The following COL15A1 variants were observed in gnomAD, a reference collection of about 807,000 sequenced individuals.
The protein encoded by COL15A1 is collagen alpha-1(XV) chain.
In COL15A1, 111 loss-of-function variants were observed where a neutral mutation model predicts 165.9. The ratio of observed to expected loss-of-function variants is 0.67; its 90% confidence interval spans 0.57 to 0.78. The LOEUF is 0.78. COL15A1 is among the 30% of genes least tolerant of loss of function. The pLI, the probability that COL15A1 is intolerant of heterozygous loss-of-function variation, is 0.00. For missense variants in COL15A1, 1,745 were observed against 1,789.7 expected (o/e 0.98, Z 0.45); for synonymous variants, 659 against 674.8 (o/e 0.98, Z 0.36).
Position 99,069,992 on chromosome 9 carries a change from T to TTTACTACA in COL15A1, c.*107_*108insTACTACAT. ...TTGTAAATATTACAGTTTTTTTTTT[T>TTTACTACA]TACTACATATTCTTTACAACAGCAA... is the stretch of plus-strand genomic sequence containing the variant. On this transcript the variant is annotated 3_prime_UTR_variant, in exon 42 of 42. Transcript: ENST00000375001. The TTTACTACA allele has an allele frequency of 1.1e-6, 1 of 937,184 alleles. No individual in the cohort carries two copies. The highest frequency in any genetic ancestry group is 1.6e-6 in the Non-Finnish European group (1 of 641,776). The allele number at this position is 937,184 out of a possible 1,614,324, so 58.1% of individuals were successfully genotyped here.
intron 2 of COL15A1, among the ~76,000 whole-genome samples, chr9:98,953,439 C>T (rs1837722712): frequency 6.6e-6 from 1 of 152,118 alleles, no homozygotes; most frequent in Non-Finnish European, 1.5e-5. Context: ...CCAACCCAAC[C>T]CTATCCAACC....
chr9:99,011,648 G>T (rs1284385371), intron 9 of COL15A1, among the ~76,000 whole-genome samples: 2 of 151,738 alleles, frequency 1.3e-5, no homozygotes, highest in African/African-American at 4.8e-5. Flanking sequence ...TTTTTAGAAA[G>T]AATGTTTTCT....
At chr9:99,016,983 T>A (rs1414395125) in intron 11 of COL15A1, among the ~76,000 whole-genome samples, 1 of 152,254 alleles carries the variant, frequency 6.6e-6, no homozygotes, top group East Asian at 1.9e-4. Context: ...CGGGGCCTCC[T>A]ATAGCGGTTA....
chr9:99,048,579 A>T (rs1839532404), intron 28 of COL15A1, among the ~76,000 whole-genome samples: 1 of 152,116 alleles, frequency 6.6e-6, no homozygotes, highest in Admixed American at 6.5e-5. Flanking sequence ...TCTAGGGTAC[A>T]TGTGCACAAC....
intron 4 of COL15A1, 62 bp downstream of exon 4, chr9:98,987,430 G>C (rs891230713): frequency 6.8e-7 from 1 of 1,469,178 alleles, no homozygotes; most frequent in African/African-American, 1.4e-5. Context: ...CCTGGGGAGG[G>C]CTGGATGCCC....
chr9:98,993,571 G>T (rs1838487428), intron 5 of COL15A1, among the ~76,000 whole-genome samples: 2 of 152,276 alleles, frequency 1.3e-5, no homozygotes, highest in African/African-American at 2.4e-5. Flanking sequence ...AGTCTCATTT[G>T]CAGGGAGGTG....
At chr9:98,999,283 G>A (rs536733394) in intron 6 of COL15A1, among the ~76,000 whole-genome samples, 4 of 152,330 alleles carry the variant, frequency 2.6e-5, no homozygotes, top group African/African-American at 7.2e-5. Context: ...CATTCCCAGG[G>A]TTAATAATAC....
rs368965091 is a variant in COL15A1 at position 99,016,159 on chromosome 9, T to G, written c.1647+40T>G. The G allele has an allele frequency of 3.8e-5, 58 of 1,544,322 alleles. 1 individual carries two copies. The highest frequency in any genetic ancestry group is 5.0e-5 in the Non-Finnish European group (57 of 1,147,056). On this transcript the variant is annotated intron_variant, in intron 11 of 41. Coordinates refer to ENST00000375001, the MANE Select transcript of COL15A1 (RefSeq NM_001855.5). ...GCTGTAAGATTTGACTTGGCAGACC[T>G]TACAGGGGAGAGAAAGAAAGGCCAG...
At chr9:99,056,151 A>C in intron 34 of COL15A1, 109 bp from the exon 35 acceptor site, 2 of 1,171,792 alleles carry the variant, frequency 1.7e-6, no homozygotes, top group South Asian at 2.5e-5. Flanking sequence ...TAGTAATAAC[A>C]ATAGCTGGTG....
chr9:99,049,030 A>G (rs890393178), intron 28 of COL15A1, among the ~76,000 whole-genome samples: 3 of 152,150 alleles, frequency 2.0e-5, no homozygotes, highest in Middle Eastern at 6.3e-3. Context: ...GCCCACTGGA[A>G]CCGGCAGGCA....
chr9:99,058,030 C>G (rs1825752360), intron 35 of COL15A1, among the ~76,000 whole-genome samples: 1 of 152,144 alleles, frequency 6.6e-6, no homozygotes, highest in Admixed American at 6.5e-5. Flanking sequence ...ACCTCAGGAA[C>G]AGCCAGAGCC....
rs546379223 is a variant in COL15A1 at position 99,023,401 on chromosome 9, C to T, written c.1806C>T (p.Asp602=). 11 of 1,603,560 alleles carry T rather than the reference C, an allele frequency of 6.9e-6. No individual in the cohort carries two copies. Among genetic ancestry groups the T allele is most frequent in the South Asian group, 3.3e-5 (3 of 90,518 alleles). ...GCTCTGGCCTAGGCTGGGGCTCGGA[C>T]GTCGGCTCTGGCTCTGGTGACCTGG... ...AEGSGLGWGS[D]VGSGSGDLVG... Residue 602 remains aspartate (D), a synonymous_variant, in exon 14 of 42, where the codon GAC becomes GAT. Coordinates refer to ENST00000375001, the MANE Select transcript of COL15A1 (RefSeq NM_001855.5).
intron 35 of COL15A1, among the ~76,000 whole-genome samples, chr9:99,056,863 C>T (rs1825727992): frequency 1.3e-5 from 2 of 152,134 alleles, no homozygotes; most frequent in South Asian, 4.1e-4. Flanking sequence ...CAAGGTTCAC[C>T]CATGTTGCAG....
intron 11 of COL15A1, among the ~76,000 whole-genome samples, chr9:99,016,460 G>T (rs1838936472): frequency 6.6e-6 from 1 of 152,234 alleles, no homozygotes; most frequent in Non-Finnish European, 1.5e-5. Context: ...AGTGCTGTGT[G>T]TGTGTTGGGG....
chr9:99,038,783 G>T (rs773425619), intron 22 of COL15A1, 50 bp downstream of exon 22: 2 of 1,129,116 alleles, frequency 1.8e-6, no homozygotes, highest in Non-Finnish European at 2.7e-6. Flanking sequence ...AGACGCCCCT[G>T]TTGAAACAAA....
At chr9:98,960,643 T>G (rs768674567) in intron 2 of COL15A1, among the ~76,000 whole-genome samples, 1 of 152,194 alleles carries the variant, frequency 6.6e-6, no homozygotes, top group South Asian at 2.1e-4. Flanking sequence ...AGGCTCTGCA[T>G]GTATCAGTTG....
Position 99,051,769 on chromosome 9 carries a change from A to G in COL15A1, c.2905-619A>G, listed in dbSNP as rs573136155. 9.2e-5 allele frequency among the ~76,000 whole-genome samples: 14 copies of G among 152,304 alleles called. No homozygotes were observed. In the South Asian group the frequency reaches 2.9e-3, roughly 32 times the overall value. On this transcript the variant is annotated intron_variant, in intron 30 of 41. Coordinates refer to ENST00000375001, the MANE Select transcript of COL15A1 (RefSeq NM_001855.5). ...ATCAATTGGGAAGAAGCCAGGTTTC[A>G]AGTGGCTTTGTCTGAATAGAGAAGG...
chr9:99,056,369 CG>C lies in COL15A1; in HGVS notation c.3306del (p.Pro1103HisfsTer50). ...GGTGATCCTGGGCCACCGGGGCCCC[CG>C]GGGCCACCAGGACCTCCAGCTATCC... is the stretch of plus-strand genomic sequence containing the variant. The part of the protein sequence containing the change: ...RPGDPGPPGP[P>X]GPPGPPAILG... On this transcript the variant is annotated frameshift_variant, in exon 35 of 42. Coordinates refer to ENST00000375001, the MANE Select transcript of COL15A1 (RefSeq NM_001855.5). LOFTEE classifies it high-confidence loss of function. 1 of 1,612,804 alleles carries C rather than the reference CG, an allele frequency of 6.2e-7. No homozygotes were observed. The highest frequency in any genetic ancestry group is 1.1e-5 in the South Asian group (1 of 91,062).
intron 39 of COL15A1, 62 bp downstream of exon 39, chr9:99,063,171 C>T: frequency 6.7e-7 from 1 of 1,494,310 alleles, no homozygotes; most frequent in Admixed American, 2.6e-5. Flanking sequence ...AGTGCTAGGT[C>T]TCATGCTTAG....
Sources: allele counts gnomAD v4.1 joint callset (sites outside exome capture counted in the v4.1 genomes callset), GRCh38; gene constraint gnomAD v4.1.1; transcripts MANE v1.5; gene names NCBI Gene and HGNC (gene_info 2026-07-23, HGNC 2026-07-21).